PHACTR2: variants seen among roughly 807,000 people sequenced by gnomAD.
The protein encoded by PHACTR2 is chromosome 6 open reading frame 56.
PHACTR2 carries 30 observed loss-of-function variants against 76.0 expected under a neutral mutation model. That is an observed-to-expected ratio of 0.39 (90% CI 0.30 to 0.54). The LOEUF (loss-of-function observed/expected upper bound fraction) is 0.54, where lower values mean the gene tolerates loss of function less well. Among genes scored for constraint, PHACTR2 ranks in the 20% least tolerant of loss-of-function variants. The probability of loss-of-function intolerance (pLI) is 0.61; values close to 1 mark genes in which losing one functional copy is unlikely to be tolerated. For synonymous variants in PHACTR2, 292 were observed against 292.5 expected, an observed-to-expected ratio of 1.00 and a Z score of 0.02; for missense variants, 696 against 781.1, an observed-to-expected ratio of 0.89 and a Z score of 1.30.
intron 1 of PHACTR2, among the ~76,000 whole-genome samples, chr6:143,565,775 G>A (rs187698462): frequency 6.6e-4 from 100 of 152,254 alleles, no homozygotes; most frequent in Middle Eastern, 3.4e-3. Context: ...GAGGGCCCCA[G>A]AATGGAGCCT....
At chr6:143,724,743 G>A (rs1778520031) in intron 2 of PHACTR2, among the ~76,000 whole-genome samples, 1 of 152,176 alleles carries the variant, frequency 6.6e-6, no homozygotes, top group Non-Finnish European at 1.5e-5. Flanking sequence ...GCCCTGGTTT[G>A]TGCCAGCTAT....
At chr6:143,566,003 T>A (rs1038409544) in intron 1 of PHACTR2, among the ~76,000 whole-genome samples, 1 of 152,124 alleles carries the variant, frequency 6.6e-6, no homozygotes, top group Non-Finnish European at 1.5e-5. Flanking sequence ...TGTGGGGGGT[T>A]ATCCTTAGGT....
intron 2 of PHACTR2, among the ~76,000 whole-genome samples, chr6:143,720,693 G>T (rs1778419637): frequency 6.6e-6 from 1 of 152,134 alleles, no homozygotes; most frequent in African/African-American, 2.4e-5. Context: ...CTCACTGAAG[G>T]CTTGACCGCC....
Position 143,648,181 on chromosome 6 carries a change from C to T in PHACTR2, c.13+39859C>T, listed in dbSNP as rs1340764268. Among the ~76,000 whole-genome samples, 1 of 152,058 alleles carries T rather than the reference C, an allele frequency of 6.6e-6. No homozygotes were observed. Among genetic ancestry groups the T allele is most frequent in the Non-Finnish European group, 1.5e-5 (1 of 68,006 alleles). The stretch of plus-strand genomic sequence containing the variant: ...CATAGTGCAAGAATACAGACAGCAT[C>T]CTGTTAAGGACCGCAGTGTTTTCTG... On this transcript the variant is annotated intron_variant, in intron 1 of 11. Coordinates refer to the PHACTR2 transcript ENST00000305766. The surrounding 1 kb of genome is among the most constrained non-coding windows in gnomAD (Gnocchi z 6.7).
At chr6:143,727,290 CT>C (rs113254871) in intron 2 of PHACTR2, among the ~76,000 whole-genome samples, 178 of 148,744 alleles carry the variant, frequency 1.2e-3, no homozygotes, top group Middle Eastern at 3.5e-3. Context: ...GGATTTTATT[CT>C]TTTTTTTTTA....
chr6:143,796,407 CTTTCTTTCTTTG>C lies in PHACTR2; in HGVS notation c.1845+7501_1845+7512del, dbSNP rs1385208781. 9.4e-4 allele frequency among the ~76,000 whole-genome samples: 139 copies of C among 147,120 alleles called. 2 individuals carry two copies. The highest frequency in any genetic ancestry group is 2.7e-3 in the Admixed American group (41 of 15,008). On this transcript the variant is annotated intron_variant, in intron 11 of 12. Transcript: ENST00000440869. The stretch of plus-strand genomic sequence containing the variant: ...TCTTTCTTTCTTTCTTTCTTTCTTT[CTTTCTTTCTTTG>C]TTTTTATTATACTTTAAGTTCTGGG...
chr6:143,741,888 G>A (rs573341630), intron 2 of PHACTR2, among the ~76,000 whole-genome samples: 192 of 152,034 alleles, frequency 1.3e-3, no homozygotes, highest in African/African-American at 4.4e-3. Context: ...GATCACCTGA[G>A]GTCAGGAGTT....
At chr6:143,657,365 G>T (rs890992520) in intron 1 of PHACTR2, among the ~76,000 whole-genome samples, 3 of 151,878 alleles carry the variant, frequency 2.0e-5, no homozygotes, top group Non-Finnish European at 4.4e-5. Context: ...CCTGAAAAAA[G>T]ATCCTTCATG....
chr6:143,760,507 G>A lies in PHACTR2; in HGVS notation c.561G>A (p.Pro187=), dbSNP rs781721020. 60 of 1,613,798 alleles carry A rather than the reference G, an allele frequency of 3.7e-5. No individual in the cohort carries two copies. The Admixed American group carries it at 7.0e-4, about 19-fold the overall frequency. The change falls in exon 5 of 13, where the codon CCG becomes CCA. Residue 187 remains proline, a synonymous_variant. Transcript: ENST00000440869. This position sits in a 1 kb window ranked among gnomAD's most constrained non-coding sequence, Gnocchi z 6.4. ...AACCCAAAAAATCACCTGTGCCTCCGAAAGGGGCCACTGCTGGGGCCAGCC... is the reference window on the plus strand; with the variant it reads ...AACCCAAAAAATCACCTGTGCCTCCAAAAGGGGCCACTGCTGGGGCCAGCC... ...KPKPKKSPVP[P]KGATAGASHK...
At chr6:143,542,870 G>C (rs1007434814) in intron 1 of PHACTR2, among the ~76,000 whole-genome samples, 2 of 152,232 alleles carry the variant, frequency 1.3e-5, no homozygotes, top group African/African-American at 4.8e-5. Flanking sequence ...GCCGAAACCA[G>C]TTGTGGAGCA....
rs1032436049 is a variant in PHACTR2 at position 143,824,028 on chromosome 6, G to A, written c.*339G>A. ...ACCAGAAAGCCAAATTTTATAATGCGGGTGAAAGAAAAATATAGATTAAAA... is the reference window on the plus strand; with the variant it reads ...ACCAGAAAGCCAAATTTTATAATGCAGGTGAAAGAAAAATATAGATTAAAA... On this transcript the variant is annotated 3_prime_UTR_variant, in exon 13 of 13. Coordinates refer to ENST00000440869, the MANE Select transcript of PHACTR2 (RefSeq NM_001100164.2). The surrounding 1 kb of genome is among the most constrained non-coding windows in gnomAD (Gnocchi z 6.3). The A allele has an allele frequency of 1.9e-5, 4 of 213,426 alleles. No homozygotes were observed. The highest frequency in any genetic ancestry group is 1.8e-4 in the South Asian group (1 of 5,698). 13.2% of individuals were successfully genotyped at this position (213,426 alleles called of 1,614,324 possible).
chr6:143,675,274 C>A (rs569502745), upstream of PHACTR2, among the ~76,000 whole-genome samples: 1 of 152,108 alleles, frequency 6.6e-6, no homozygotes, highest in Non-Finnish European at 1.5e-5. The surrounding 1 kb of genome is among the most constrained non-coding windows in gnomAD (Gnocchi z 4.9). Context: ...TCAGTAGATG[C>A]CATTAGTCTA....
At chr6:143,644,103 A>G (rs2128444684) in intron 1 of PHACTR2, among the ~76,000 whole-genome samples, 1 of 152,340 alleles carries the variant, frequency 6.6e-6, no homozygotes, top group South Asian at 2.1e-4. Flanking sequence ...ATTGCCAGCA[A>G]ACCACCAGAA....
At position 143,610,761 on chromosome 6, in the gene PHACTR2, A is replaced by T. The variant is rs58341062; in HGVS notation, c.13+2439A>T. 2.6e-5 allele frequency among the ~76,000 whole-genome samples: 4 copies of T among 152,160 alleles called. No individual in the cohort carries two copies. The highest frequency in any genetic ancestry group is 9.7e-5 in the African/African-American group (4 of 41,410). ...AAAGAGCTGACATTCCTACTATCTC[A>T]GAGAAGGAGACATCCCTTCCCCATA... On this transcript the variant is annotated intron_variant, in intron 1 of 11. Transcript: ENST00000305766. This position sits in a 1 kb window ranked among gnomAD's most constrained non-coding sequence, Gnocchi z 4.9.
intron 1 of PHACTR2, among the ~76,000 whole-genome samples, chr6:143,590,637 A>G (rs1229064638): frequency 6.6e-6 from 1 of 151,920 alleles, no homozygotes; most frequent in Admixed American, 6.6e-5. Context: ...ATTCAGTGCA[A>G]TTTTTAGGTT....
chr6:143,566,613 T>G (rs1419948732), intron 1 of PHACTR2, among the ~76,000 whole-genome samples: 2 of 152,086 alleles, frequency 1.3e-5, no homozygotes, highest in Non-Finnish European at 2.9e-5. Flanking sequence ...CATTTTTTAG[T>G]AAAACTTAAA....
intron 2 of PHACTR2, among the ~76,000 whole-genome samples, chr6:143,721,059 C>T (rs769870219): frequency 6.6e-6 from 1 of 152,170 alleles, no homozygotes; most frequent in Non-Finnish European, 1.5e-5. Flanking sequence ...AACTCAAATT[C>T]GCAAGGCAGA....
chr6:143,616,237 G>A lies in PHACTR2; in HGVS notation c.13+7915G>A, dbSNP rs955134885. 4.6e-5 allele frequency among the ~76,000 whole-genome samples: 7 copies of A among 152,116 alleles called. No individual in the cohort carries two copies. Among genetic ancestry groups the A allele is most frequent in the Non-Finnish European group, 1.0e-4 (7 of 68,018 alleles). Reference sequence around the variant, plus strand: ...ATATTTAATCTTCTAATTAGGAATAGTGATTGAAATTGTGCCTCAGGACTG... The same window carrying A: ...ATATTTAATCTTCTAATTAGGAATAATGATTGAAATTGTGCCTCAGGACTG... On this transcript the variant is annotated intron_variant, in intron 1 of 11. Coordinates refer to the PHACTR2 transcript ENST00000305766. The surrounding 1 kb of genome is among the most constrained non-coding windows in gnomAD (Gnocchi z 4.9).
At chr6:143,669,553 C>T (rs1777107306) in intron 1 of PHACTR2, among the ~76,000 whole-genome samples, 2 of 152,284 alleles carry the variant, frequency 1.3e-5, no homozygotes, top group South Asian at 2.1e-4. Flanking sequence ...AATCAGGGTG[C>T]TCCTATATTT....
Sources: gnomAD v4.1 joint callset for allele counts (sites outside exome capture counted in the v4.1 genomes callset) on GRCh38, gnomAD v4.1.1 for gene constraint, Gnocchi (gnomAD v3.1) non-coding constraint, MANE v1.5 for transcripts, NCBI Gene and HGNC (gene_info 2026-07-23, HGNC 2026-07-21) for gene names.